The following WRNIP1 variants were observed in gnomAD, a reference collection of about 807,000 sequenced individuals.
WRNIP1 encodes ATPase WRNIP1.
Under a neutral mutation model 56.1 loss-of-function variants are expected in WRNIP1, and 41 were observed. That is an observed-to-expected ratio of 0.73 (90% CI 0.57 to 0.95). WRNIP1 has a LOEUF of 0.95. Ranked by LOEUF, WRNIP1 falls within the 40% of genes least tolerant of loss-of-function variation. WRNIP1 has a pLI of 0.00. For synonymous variants in WRNIP1, 547 were observed against 398.1 expected (o/e 1.37, Z -4.45); for missense variants, 1,170 against 939.4 (o/e 1.25, Z -3.21).
intron 1 of WRNIP1, among the ~76,000 whole-genome samples, chr6:2,768,243 C>T (rs1765114696): frequency 6.6e-6 from 1 of 152,196 alleles, no homozygotes; most frequent in Non-Finnish European, 1.5e-5. Context: ...CTTTTCTCAG[C>T]TGTCCTGAGC....
At chr6:2,779,696 G>T (rs936063217) in intron 4 of WRNIP1, among the ~76,000 whole-genome samples, 4 of 152,186 alleles carry the variant, frequency 2.6e-5, no homozygotes, top group African/African-American at 9.7e-5. Flanking sequence ...AGCAGAAGCT[G>T]CCCTGTTGAG....
intron 4 of WRNIP1, among the ~76,000 whole-genome samples, chr6:2,783,042 A>C (rs1231844447): frequency 6.6e-6 from 1 of 151,322 alleles, no homozygotes; most frequent in Non-Finnish European, 1.5e-5. Flanking sequence ...CCTCCAGTAG[A>C]TGGTGGGCCA....
chr6:2,765,617 G>A lies in WRNIP1; in HGVS notation c.-6G>A. 2 of 1,515,844 alleles carry A rather than the reference G, an allele frequency of 1.3e-6. No homozygotes were observed. The highest frequency in any genetic ancestry group is 8.8e-7 in the Non-Finnish European group (1 of 1,140,506). 93.9% of individuals were successfully genotyped at this position (1,515,844 alleles called of 1,614,324 possible). A position where few individuals can be genotyped will look rare whatever the true frequency, so the allele number is the denominator to read the frequency against. ...GCGCCGGGCGCCGGGGAGGGCGGCG[G>A]CCGCCATGGAGGTGAGCGGGCCGGA... On this transcript the variant is annotated 5_prime_UTR_variant, in exon 1 of 7. Coordinates refer to ENST00000380773, the MANE Select transcript of WRNIP1 (RefSeq NM_020135.3).
rs1765504007 is a variant in WRNIP1 at position 2,779,309 on chromosome 6, C to T, written c.1303C>T (p.Leu435Phe). The change falls in exon 4 of 7, where the codon CTC (leucine) becomes TTC (phenylalanine). Residue 435 changes from leucine to phenylalanine, a missense_variant. Leu to Phe is a conservative substitution (Grantham distance 22). Coordinates refer to ENST00000380773, the MANE Select transcript of WRNIP1 (RefSeq NM_020135.3). ...TAAAGCAGTAGACACCCTGGCTTAC[C>T]TCAGTGACGGTGACGCCCGAGCTGG... is the stretch of plus-strand genomic sequence containing the variant. ...EDKAVDTLAY[L>F]SDGDARAGLN... 3 of 1,614,074 alleles carry T rather than the reference C, an allele frequency of 1.9e-6. No individual in the cohort carries two copies. The highest frequency in any genetic ancestry group is 1.7e-6 in the Non-Finnish European group (2 of 1,180,054).
chr6:2,784,186 A>G (rs1295291906), intron 5 of WRNIP1, 138 bp from the exon 6 acceptor site: 1 of 661,418 alleles, frequency 1.5e-6, no homozygotes. Flanking sequence ...GACTAGAGCT[A>G]AGTCAGGCTG....
Position 2,768,680 on chromosome 6 carries a change from A to G in WRNIP1, c.823-11A>G, listed in dbSNP as rs756194370. ...CAGCTTTTCAAACTCCATGTATGTC[A>G]TCTTTTCTAGACCACTCTGGCTCAC... On this transcript the variant is annotated splice_polypyrimidine_tract_variant and intron_variant, in intron 1 of 6. Transcript: ENST00000380773. The G allele has an allele frequency of 8.2e-6, 13 of 1,587,864 alleles. No individual in the cohort carries two copies. The highest frequency in any genetic ancestry group is 5.7e-5 in the South Asian group (5 of 87,838).
intron 4 of WRNIP1, among the ~76,000 whole-genome samples, chr6:2,780,321 A>T (rs1230830976): frequency 6.6e-6 from 1 of 152,212 alleles, no homozygotes; most frequent in Non-Finnish European, 1.5e-5. Context: ...CCACGTGACA[A>T]TGGAGAGTCC....
Position 2,768,793 on chromosome 6 carries a change from A to T in WRNIP1, c.925A>T (p.Ile309Leu). The T allele has an allele frequency of 6.2e-7, 1 of 1,614,072 alleles. No homozygotes were observed. The highest frequency in any genetic ancestry group is 8.5e-7 in the Non-Finnish European group (1 of 1,179,948). ...CAAGACAAATGATGTGCGAGATGTC[A>T]TAAAACAAGCTCAAAATGAAAAGAG... Reference protein sequence around the residue: ...NAKTNDVRDVIKQAQNEKSFF... With the variant: ...NAKTNDVRDVLKQAQNEKSFF... Residue 309 changes from isoleucine (I) to leucine (L), a missense_variant, in exon 2 of 7, where the codon ATA becomes TTA. Coordinates refer to ENST00000380773, the MANE Select transcript of WRNIP1 (RefSeq NM_020135.3).
In WRNIP1 at chr6:2,770,134, T is replaced by C; in HGVS notation, c.1029T>C (p.Pro343=). ...FNKSQQDTFL[P]HVECGTITLI... The stretch of plus-strand genomic sequence containing the variant: ...CCCATGATTAGGACACTTTCCTTCC[T>C]CACGTGGAATGTGGGACGATCACTC... The change falls in exon 3 of 7, where the codon CCT becomes CCC. Residue 343 remains proline (P), a synonymous_variant. Transcript: ENST00000380773. The C allele has an allele frequency of 6.2e-7, 1 of 1,614,254 alleles. No homozygotes were observed. The highest frequency in any genetic ancestry group is 8.5e-7 in the Non-Finnish European group (1 of 1,180,036).
intron 2 of WRNIP1, among the ~76,000 whole-genome samples, chr6:2,769,588 AC>A (rs1259188080): frequency 3.3e-5 from 5 of 152,254 alleles, no homozygotes; most frequent in Admixed American, 1.3e-4. Context: ...GAATAAAAAG[AC>A]CCTTTTAAAG....
chr6:2,774,076 G>A (rs892125753), intron 3 of WRNIP1: 2 of 985,274 alleles, frequency 2.0e-6, no homozygotes, highest in Non-Finnish European at 2.4e-6. Context: ...AGAAAGAAAG[G>A]TAGTGGAACT....
rs748811112 is a variant in WRNIP1, at chr6:2,770,164, T to C, written c.1059T>C (p.Ile353=). 3 of 1,614,208 alleles carry C rather than the reference T, an allele frequency of 1.9e-6. No individual in the cohort carries two copies. Among genetic ancestry groups the C allele is most frequent in the East Asian group, 4.5e-5 (2 of 44,882 alleles). Reference sequence around the variant, plus strand: ...TGGAATGTGGGACGATCACTCTGATTGGGGCAACCACTGAAAACCCTTCCT... The same window carrying C: ...TGGAATGTGGGACGATCACTCTGATCGGGGCAACCACTGAAAACCCTTCCT... The part of the protein sequence containing the change: ...PHVECGTITL[I]GATTENPSFQ... Residue 353 remains isoleucine (I), a synonymous_variant, in exon 3 of 7, where the codon ATT becomes ATC. Transcript: ENST00000380773.
In WRNIP1 at chr6:2,786,449, AGTTGCCAT is replaced by A. The variant is rs1765716177; in HGVS notation, c.*1168_*1175del. ...CTGGAGTGGTTGCACTGCAGTGTGC[AGTTGCCAT>A]CCCCAGAATCTCCCTTCATCATCAC... is the stretch of plus-strand genomic sequence containing the variant. On this transcript the variant is annotated 3_prime_UTR_variant, in exon 7 of 7. Transcript: ENST00000380773. 1 of 152,358 alleles carries A rather than the reference AGTTGCCAT, an allele frequency of 6.6e-6. No homozygotes were observed. The highest frequency in any genetic ancestry group is 2.4e-5 in the African/African-American group (1 of 41,462). The allele number at this position is 152,358 out of a possible 1,614,324, so 9.4% of individuals were successfully genotyped here.
intron 3 of WRNIP1, among the ~76,000 whole-genome samples, chr6:2,778,969 A>G (rs1765495323): frequency 6.6e-6 from 1 of 152,226 alleles, no homozygotes; most frequent in Non-Finnish European, 1.5e-5. Flanking sequence ...CCACCTGTCA[A>G]CAGTGACTTT....
Position 2,768,856 on chromosome 6 carries a change from A to C in WRNIP1, c.988A>C (p.Ile330Leu). ...KRKTILFIDEIHRFNKSQQDT... is the reference protein window; with the variant it reads ...KRKTILFIDELHRFNKSQQDT... ...GAAAACCATCCTTTTTATTGATGAG[A>C]TTCATCGGTTCAATAAATCTCAGCA... is the stretch of plus-strand genomic sequence containing the variant. Residue 330 changes from isoleucine to leucine, a missense_variant, in exon 2 of 7, where the codon ATT becomes CTT. Transcript: ENST00000380773. 6 of 1,612,276 alleles carry C rather than the reference A, an allele frequency of 3.7e-6. No homozygotes were observed. The highest frequency in any genetic ancestry group is 4.2e-6 in the Non-Finnish European group (5 of 1,179,334).
In WRNIP1 at chr6:2,784,211, A is replaced by G. The variant is rs1765652525; in HGVS notation, c.1643-113A>G. The G allele has an allele frequency of 4.5e-6, 4 of 883,212 alleles. No individual in the cohort carries two copies. In the East Asian group the frequency reaches 1.1e-4, roughly 24 times the overall value. 54.7% of individuals were successfully genotyped at this position (883,212 alleles called of 1,614,324 possible). A position where few individuals can be genotyped will look rare whatever the true frequency, so the allele number is the denominator to read the frequency against. ...AAGTCAGGCTGTTTTGCTACATGGG[A>G]TTGTTTTGGTCACCAAGTGTACAAG... On this transcript the variant is annotated intron_variant, in intron 5 of 6. Coordinates refer to ENST00000380773, the MANE Select transcript of WRNIP1 (RefSeq NM_020135.3).
chr6:2,784,164 C>T (rs562390791), intron 5 of WRNIP1, among the ~76,000 whole-genome samples, 160 bp from the exon 6 acceptor site: 1 of 152,162 alleles, frequency 6.6e-6, no homozygotes, highest in African/African-American at 2.4e-5. Context: ...TGCATAAGTT[C>T]ATGGGATCAG....
At chr6:2,769,305 C>T (rs1329461068) in intron 2 of WRNIP1, among the ~76,000 whole-genome samples, 1 of 151,978 alleles carries the variant, frequency 6.6e-6, no homozygotes, top group Non-Finnish European at 1.5e-5. Flanking sequence ...CAGGCTCTGT[C>T]TTCAAGGTGA....
At position 2,786,693 on chromosome 6, in the gene WRNIP1, T is replaced by C. The variant is rs1344726835; in HGVS notation, c.*1411T>C. On this transcript the variant is annotated 3_prime_UTR_variant, in exon 7 of 7. Coordinates refer to ENST00000380773, the MANE Select transcript of WRNIP1 (RefSeq NM_020135.3). ...TAGTAATAAATTGTAGGTAAGAAAT[T>C]ACTTGTGCATTGTTTTACACTTTCC... 1 of 63,654 alleles carries C rather than the reference T, an allele frequency of 1.6e-5. No individual in the cohort carries two copies. Among genetic ancestry groups the C allele is most frequent in the African/African-American group, 3.1e-5 (1 of 32,084 alleles). 3.9% of individuals were successfully genotyped at this position (63,654 alleles called of 1,614,324 possible).
Sources: allele counts gnomAD v4.1 joint callset (sites outside exome capture counted in the v4.1 genomes callset), GRCh38; gene constraint gnomAD v4.1.1; transcripts MANE v1.5; gene names NCBI Gene and HGNC (gene_info 2026-07-23, HGNC 2026-07-21).